FANCB: variants seen among roughly 807,000 people sequenced by gnomAD.
The protein encoded by FANCB is Fanconi anemia group B protein.
A neutral mutation model predicts 38.9 loss-of-function variants in FANCB; 5 were observed. The ratio of observed to expected loss-of-function variants is 0.13; its 90% CI spans 0.07 to 0.27. The LOEUF is 0.27. FANCB is among the 10% of genes least tolerant of loss of function. The pLI is 1.00. For synonymous variants in FANCB, 236 were observed against 215.4 expected, an observed-to-expected ratio of 1.10 and a Z score of -0.84; for missense variants, 573 against 602.7, an observed-to-expected ratio of 0.95 and a Z score of 0.52.
chrX:14,809,587 C>A, the FANCB span, among the ~76,000 whole-genome samples: 1 of 112,200 alleles, frequency 8.9e-6, no homozygotes, highest in African/African-American at 3.2e-5. Flanking sequence ...GCTAGCACAG[C>A]AGTCTGAGAC....
chrX:14,690,210 A>C, the FANCB span, among the ~76,000 whole-genome samples: 1 of 112,019 alleles, frequency 8.9e-6, no homozygotes, highest in African/African-American at 3.2e-5. Flanking sequence ...TAAAAAATAG[A>C]AGTGAGCAGT....
the FANCB span, among the ~76,000 whole-genome samples, chrX:14,692,169 G>A: frequency 3.6e-5 from 4 of 111,959 alleles, no homozygotes; most frequent in Non-Finnish European, 7.5e-5. Flanking sequence ...CTCACTCTTC[G>A]CTACCTCTCA....
At chrX:14,841,720 A>G (rs1445932872), downstream of FANCB, among the ~76,000 whole-genome samples, 1 of 111,784 alleles carries the variant, frequency 8.9e-6, no homozygotes, top group Non-Finnish European at 1.9e-5. Flanking sequence ...GCAGTGGTCA[A>G]TAACATATGC....
downstream of FANCB, among the ~76,000 whole-genome samples, chrX:14,833,140 TTTTCC>T (rs1174243292): frequency 1.8e-5 from 2 of 112,524 alleles, no homozygotes; most frequent in African/African-American, 6.5e-5. Flanking sequence ...TATCTTTTCA[TTTTCC>T]TTTCATCACC....
At chrX:14,705,014 A>C in the FANCB span, among the ~76,000 whole-genome samples, 1 of 112,401 alleles carries the variant, frequency 8.9e-6, no homozygotes, top group Non-Finnish European at 1.9e-5. Flanking sequence ...ATTCTCAAGA[A>C]AGAAGCAGCA....
the FANCB span, among the ~76,000 whole-genome samples, chrX:14,793,486 T>C: frequency 8.9e-6 from 1 of 112,280 alleles, no homozygotes; most frequent in Non-Finnish European, 1.9e-5. Context: ...CTTAAAACCA[T>C]AGAATTGTAT....
At chrX:14,786,242 G>C in the FANCB span, among the ~76,000 whole-genome samples, 1 of 111,770 alleles carries the variant, frequency 8.9e-6, no homozygotes, top group East Asian at 2.8e-4. Context: ...ACTCTGCTGA[G>C]AGCTGTCAGC....
the FANCB span, among the ~76,000 whole-genome samples, chrX:14,818,807 C>T: frequency 2.7e-5 from 3 of 112,056 alleles, no homozygotes; most frequent in East Asian, 2.8e-4. Context: ...TTATTTTACT[C>T]GTACGAAGTC....
At chrX:14,746,366 T>G in the FANCB span, among the ~76,000 whole-genome samples, 2 of 112,063 alleles carry the variant, frequency 1.8e-5, no homozygotes, top group South Asian at 7.5e-4. Context: ...TTAAGAGTGA[T>G]TTTGCATTTC....
the FANCB span, among the ~76,000 whole-genome samples, chrX:14,797,420 G>A: frequency 2.7e-5 from 3 of 112,233 alleles, no homozygotes; most frequent in African/African-American, 3.2e-5. Flanking sequence ...CATGGCTCAC[G>A]CCTGTAATCC....
chrX:14,868,811 A>G (rs963841674), intron 2 of FANCB, 112 bp downstream of exon 2: 1 of 112,364 alleles, frequency 8.9e-6, no homozygotes, highest in Non-Finnish European at 1.9e-5. Flanking sequence ...TGACTTGACC[A>G]TTATACAATA....
chrX:14,730,939 C>A, the FANCB span: 1 of 66,461 alleles, frequency 1.5e-5, no homozygotes, highest in Non-Finnish European at 3.2e-5. Context: ...CACACACACA[C>A]ACACACACAC....
chrX:14,726,575 C>T, the FANCB span, among the ~76,000 whole-genome samples: 3 of 111,894 alleles, frequency 2.7e-5, no homozygotes, highest in Non-Finnish European at 5.7e-5. Context: ...TAGGGAAAAC[C>T]CTCTTAAAAT....
Position 14,865,047 on chromosome X carries a change from G to A in FANCB, c.464C>T (p.Ser155Phe), listed in dbSNP as rs777463253. The change falls in exon 3 of 10, where the codon TCT (serine) becomes TTT (phenylalanine). Residue 155 changes from serine to phenylalanine, a missense_variant. Ser to Phe is a radical substitution (Grantham distance 155). Coordinates refer to ENST00000650831, the MANE Select transcript of FANCB (RefSeq NM_001018113.3). Reference sequence around the variant, plus strand: ...CACACTAACAACTTTGCCAGTTTGAGAAGAGATAAAGAAGAATGCTTTGAC... The same window carrying A: ...CACACTAACAACTTTGCCAGTTTGAAAAGAGATAAAGAAGAATGCTTTGAC... The part of the protein sequence containing the change: ...RHVKAFFFIS[S>F]QTGKVVSVSG... 1.7e-6 allele frequency: 2 copies of A among 1,208,695 alleles called. 1 individual carries two copies. Among genetic ancestry groups the A allele is most frequent in the East Asian group, 5.9e-5 (2 of 33,741 alleles).
chrX:14,698,646 C>G, the FANCB span, among the ~76,000 whole-genome samples: 11 of 92,521 alleles, frequency 1.2e-4, no homozygotes, highest in African/African-American at 4.2e-4. Context: ...CCACTGTACT[C>G]CAGCCTGGGC....
the FANCB span, among the ~76,000 whole-genome samples, chrX:14,695,240 G>A: frequency 1.8e-5 from 2 of 111,273 alleles, no homozygotes; most frequent in Non-Finnish European, 1.9e-5. Context: ...AAGGAACAAA[G>A]GAAATGGTGA....
chrX:14,867,486 G>C (rs765987574), intron 2 of FANCB, among the ~76,000 whole-genome samples: 3 of 111,156 alleles, frequency 2.7e-5, no homozygotes, highest in Non-Finnish European at 5.7e-5. Flanking sequence ...ATTGGGGAAA[G>C]GACAGTCTGT....
At chrX:14,779,707 A>G in the FANCB span, among the ~76,000 whole-genome samples, 1,689 of 107,524 alleles carry the variant, frequency 0.016, 112 homozygotes, top group African/African-American at 0.052. Flanking sequence ...AGAATGGACT[A>G]AAACATTGCG....
the FANCB span, among the ~76,000 whole-genome samples, chrX:14,826,319 T>C: frequency 8.9e-6 from 1 of 111,939 alleles, no homozygotes; most frequent in South Asian, 3.7e-4. Context: ...CTAAGCCTGT[T>C]TCACAGCCTG....
Sources: allele counts gnomAD v4.1 joint callset (sites outside exome capture counted in the v4.1 genomes callset), GRCh38; gene constraint gnomAD v4.1.1; transcripts MANE v1.5; gene names NCBI Gene and HGNC (gene_info 2026-07-23, HGNC 2026-07-21).